Variants in EXOC3L2 observed in about 807,000 individuals in gnomAD.
EXOC3L2 encodes exocyst complex component 3-like protein 2.
Under a neutral mutation model 44.4 loss-of-function variants are expected in EXOC3L2, and 17 were observed. The observed-to-expected ratio is 0.38, with a 90% CI of 0.26 to 0.57. The LOEUF is 0.57. Ranked by LOEUF, EXOC3L2 falls within the 20% of genes least tolerant of loss-of-function variation. The pLI is 0.65. For synonymous variants in EXOC3L2, 256 were observed against 253.7 expected, an observed-to-expected ratio of 1.01 and a Z score of -0.09; for missense variants, 541 against 588.4, an observed-to-expected ratio of 0.92 and a Z score of 0.83.
rs1194068013 is a variant in EXOC3L2 at position 45,212,969 on chromosome 19, G to A, written c.*100C>T. ...CATCTAAGGGTCTTTCTATCCCAGGGGTGTGTGGTCCCAGGCAGGGAGTCA... is the reference window on the plus strand; with the variant it reads ...CATCTAAGGGTCTTTCTATCCCAGGAGTGTGTGGTCCCAGGCAGGGAGTCA... On this transcript the variant is annotated 3_prime_UTR_variant, in exon 12 of 12. Transcript: ENST00000413988. The A allele has an allele frequency of 2.3e-6, 3 of 1,289,972 alleles. No individual in the cohort carries two copies. Among genetic ancestry groups the A allele is most frequent in the African/African-American group, 1.5e-5 (1 of 65,394 alleles). 79.9% of individuals were successfully genotyped at this position (1,289,972 alleles called of 1,614,324 possible). A position where few individuals can be genotyped will look rare whatever the true frequency, so the allele number is the denominator to read the frequency against.
chr19:45,228,246 A>G lies in EXOC3L2; in HGVS notation c.1290T>C (p.Leu430=). 1.2e-6 allele frequency: 2 copies of G among 1,613,960 alleles called. No individual in the cohort carries two copies. The highest frequency in any genetic ancestry group is 1.7e-6 in the Non-Finnish European group (2 of 1,180,004). Residue 430 remains leucine, a synonymous_variant, in exon 5 of 12, where the codon CTT becomes CTC. Coordinates refer to ENST00000413988, the MANE Select transcript of EXOC3L2 (RefSeq NM_001382422.1). The stretch of plus-strand genomic sequence containing the variant: ...CTTCGTCCTCCTGCAGCACACGGAG[A>G]AGGGCAGCCCGGGTCTGAGCCTACA... The part of the protein sequence containing the change: ...TDVKAQTRAA[L]LRVLQEDEEH...
At chr19:45,240,463 G>A (rs1461939292) in intron 1 of EXOC3L2, among the ~76,000 whole-genome samples, 2 of 152,074 alleles carry the variant, frequency 1.3e-5, no homozygotes, top group Admixed American at 1.3e-4. Context: ...AATAGGACTG[G>A]AGAGAACGGG....
intron 3 of EXOC3L2, among the ~76,000 whole-genome samples, chr19:45,232,088 G>A (rs993077531): frequency 4.6e-5 from 7 of 152,218 alleles, no homozygotes; most frequent in Admixed American, 1.3e-4. Context: ...ATGGTGTCCC[G>A]GCATGATATT....
In EXOC3L2 at chr19:45,213,363, G is replaced by A. The variant is rs1969799666; in HGVS notation, c.2121-6C>T. ...GGGCTGCCACGTGCTTCTGCCTGTG[G>A]GGAGAGGAACAGACAGGTGCATGCA... On this transcript the variant is annotated splice_polypyrimidine_tract_variant and splice_region_variant and intron_variant, in intron 11 of 11. Transcript: ENST00000413988. 6.2e-7 allele frequency: 1 copy of A among 1,612,828 alleles called. No individual in the cohort carries two copies. The highest frequency in any genetic ancestry group is 2.2e-5 in the East Asian group (1 of 44,790).
Position 45,244,159 on chromosome 19 carries a change from G to A in EXOC3L2, c.-17+1182C>T, listed in dbSNP as rs533985155. ...GGTTGGTCAACTCCTGAGTTCAAGCGATCCACCTGCCCCAGCCTCCCAAAG... is the reference window on the plus strand; with the variant it reads ...GGTTGGTCAACTCCTGAGTTCAAGCAATCCACCTGCCCCAGCCTCCCAAAG... On this transcript the variant is annotated intron_variant, in intron 1 of 11. Transcript: ENST00000413988. Among the ~76,000 whole-genome samples the A allele has an allele frequency of 6.6e-4, 100 of 151,946 alleles. 2 individuals are homozygous for A. Among genetic ancestry groups the A allele is most frequent in the Non-Finnish European group, 5.6e-4 (38 of 67,958 alleles).
At position 45,217,692 on chromosome 19, in the gene EXOC3L2, G is replaced by T; in HGVS notation, c.1843-9C>A. On this transcript the variant is annotated splice_polypyrimidine_tract_variant and intron_variant, in intron 9 of 11. Transcript: ENST00000413988. Reference sequence around the variant, plus strand: ...AGCTCGGCTACCAGCGCCTGGAGGCGGAGGAGGGAAACCCGAGGGGTGTGA... The same window carrying T: ...AGCTCGGCTACCAGCGCCTGGAGGCTGAGGAGGGAAACCCGAGGGGTGTGA... 1 of 1,398,750 alleles carries T rather than the reference G, an allele frequency of 7.1e-7. No individual in the cohort carries two copies. The highest frequency in any genetic ancestry group is 9.2e-7 in the Non-Finnish European group (1 of 1,084,752). The allele number at this position is 1,398,750 out of a possible 1,614,324, so 86.6% of individuals were successfully genotyped here.
chr19:45,213,989 T>C (rs896163182), intron 11 of EXOC3L2, among the ~76,000 whole-genome samples: 10 of 151,436 alleles, frequency 6.6e-5, no homozygotes, highest in African/African-American at 2.2e-4. Context: ...TGTACCCCAC[T>C]CCCCCTAAAT....
Position 45,228,261 on chromosome 19 carries a change from C to A in EXOC3L2, c.1275G>T (p.Gln425His). The A allele has an allele frequency of 6.2e-7, 1 of 1,614,012 alleles. No individual in the cohort carries two copies. Among genetic ancestry groups the A allele is most frequent in the Non-Finnish European group, 8.5e-7 (1 of 1,180,004 alleles). ...EDECVTDVKA[Q>H]TRAALLRVLQ... ...GCACACGGAGAAGGGCAGCCCGGGT[C>A]TGAGCCTACAGTAGGGAGAGGGGAG... is the stretch of plus-strand genomic sequence containing the variant. The change falls in exon 5 of 12, where the codon CAG (glutamine) becomes CAT (histidine). Residue 425 changes from glutamine (Q) to histidine (H), a missense_variant. Gln to His is a conservative substitution (Grantham distance 24). Coordinates refer to ENST00000413988, the MANE Select transcript of EXOC3L2 (RefSeq NM_001382422.1).
At chr19:45,243,887 C>G (rs1970149301) in intron 1 of EXOC3L2, among the ~76,000 whole-genome samples, 1 of 151,992 alleles carries the variant, frequency 6.6e-6, no homozygotes, top group Non-Finnish European at 1.5e-5. Context: ...TTCAGCCTCC[C>G]AAAGTGCTGG....
chr19:45,231,457 CAAAAA>C (rs34610401), intron 4 of EXOC3L2, among the ~76,000 whole-genome samples: 1 of 61,316 alleles, frequency 1.6e-5, no homozygotes, highest in African/African-American at 6.4e-5. Flanking sequence ...GACCCTGCCT[CAAAAA>C]AAAAAAAAAA....
At chr19:45,221,869 T>C (rs59356929) in intron 8 of EXOC3L2, among the ~76,000 whole-genome samples, 13,507 of 150,800 alleles carry the variant, frequency 0.09, 825 homozygotes, top group African/African-American at 0.17. Context: ...AGGCTGGTCT[T>C]GAACTCCTGG....
At chr19:45,240,050 T>G (rs1970118234) in intron 1 of EXOC3L2, among the ~76,000 whole-genome samples, 1 of 151,710 alleles carries the variant, frequency 6.6e-6, no homozygotes, top group Non-Finnish European at 1.5e-5. Context: ...TCTCCCTCAT[T>G]CATCTCTTCA....
chr19:45,224,978 T>A, intron 7 of EXOC3L2, 65 bp from the exon 8 acceptor site: 1 of 1,462,106 alleles, frequency 6.8e-7, no homozygotes, highest in Non-Finnish European at 9.1e-7. Flanking sequence ...CCTAGGCCTG[T>A]CTTCCCTTAG....
At chr19:45,226,527 C>T (rs1213503873) in intron 7 of EXOC3L2, among the ~76,000 whole-genome samples, 1 of 152,040 alleles carries the variant, frequency 6.6e-6, no homozygotes, top group Admixed American at 6.6e-5. Flanking sequence ...ACCTCCACCT[C>T]CCAGGTTCAA....
rs912886775 is a variant in EXOC3L2, at chr19:45,234,414, C to T, written c.936G>A (p.Leu312=). 22 of 301,812 alleles carry T rather than the reference C, an allele frequency of 7.3e-5. No individual in the cohort carries two copies. Among genetic ancestry groups the T allele is most frequent in the Non-Finnish European group, 1.3e-4 (21 of 163,806 alleles). 18.7% of individuals were successfully genotyped at this position (301,812 alleles called of 1,614,324 possible). A position where few individuals can be genotyped will look rare whatever the true frequency, so the allele number is the denominator to read the frequency against. The part of the protein sequence containing the change: ...EAAAPGAPGG[L]AGQLEALRAR... ...CCCGCAGCGCCTCCAGCTGCCCGGC[C>T]AGGCCCCCGGGCGCCCCGGGAGCCG... Residue 312 remains leucine (L), a synonymous_variant, in exon 3 of 12, where the codon CTG becomes CTA. Coordinates refer to ENST00000413988, the MANE Select transcript of EXOC3L2 (RefSeq NM_001382422.1). This position sits in a 1 kb window ranked among gnomAD's most constrained non-coding sequence, Gnocchi z 5.0.
At position 45,212,976 on chromosome 19, in the gene EXOC3L2, G is replaced by A; in HGVS notation, c.*93C>T. ...GGGTCTTTCTATCCCAGGGGTGTGT[G>A]GTCCCAGGCAGGGAGTCAGGAGGGG... On this transcript the variant is annotated 3_prime_UTR_variant, in exon 12 of 12. Transcript: ENST00000413988. 1.5e-6 allele frequency: 2 copies of A among 1,320,008 alleles called. No individual in the cohort carries two copies. The highest frequency in any genetic ancestry group is 9.9e-7 in the Non-Finnish European group (1 of 1,011,302). 81.8% of individuals were successfully genotyped at this position (1,320,008 alleles called of 1,614,324 possible).
intron 8 of EXOC3L2, among the ~76,000 whole-genome samples, chr19:45,220,378 G>A (rs2122961963): frequency 6.6e-6 from 1 of 151,746 alleles, no homozygotes; most frequent in East Asian, 1.9e-4. Context: ...GCTGATGTGA[G>A]AGGATCATGT....
intron 11 of EXOC3L2, 145 bp downstream of exon 11, chr19:45,215,928 A>C: frequency 8.6e-7 from 1 of 1,161,354 alleles, no homozygotes; most frequent in South Asian, 1.6e-5. Flanking sequence ...CTTATTAATA[A>C]TGCCCTGGTT....
chr19:45,239,352 G>A (rs1970112000), intron 1 of EXOC3L2, among the ~76,000 whole-genome samples: 2 of 150,312 alleles, frequency 1.3e-5, no homozygotes, highest in African/African-American at 4.9e-5. Context: ...TGAGTAGCTG[G>A]GACTACAGGC....
Sources: gnomAD v4.1 joint callset for allele counts (sites outside exome capture counted in the v4.1 genomes callset) on GRCh38, gnomAD v4.1.1 for gene constraint, Gnocchi (gnomAD v3.1) non-coding constraint, MANE v1.5 for transcripts, NCBI Gene and HGNC (gene_info 2026-07-23, HGNC 2026-07-21) for gene names.